Variants in ORC2 observed in about 807,000 individuals in gnomAD.
ORC2 encodes origin recognition complex subunit 2.
In ORC2, 37 loss-of-function variants were observed where a neutral mutation model predicts 77.7. That is an observed-to-expected ratio of 0.48 (90% CI 0.37 to 0.63). ORC2 has a LOEUF of 0.63. Among genes scored for constraint, ORC2 ranks in the 20% least tolerant of loss-of-function variants. The pLI is 0.00. For synonymous variants in ORC2, 201 were observed against 229.5 expected (o/e 0.88, Z 1.12); for missense variants, 557 against 661.9 (o/e 0.84, Z 1.74).
chr2:200,913,020 G>A (rs567248004), intron 17 of ORC2, among the ~76,000 whole-genome samples: 101 of 152,114 alleles, frequency 6.6e-4, no homozygotes, highest in African/African-American at 2.4e-3. Flanking sequence ...TGAGCAAGAG[G>A]GAAAAAACAA....
At chr2:200,958,936 T>C (rs2041521245) in intron 2 of ORC2, among the ~76,000 whole-genome samples, 1 of 152,224 alleles carries the variant, frequency 6.6e-6, no homozygotes. Flanking sequence ...GTGTTCTTGG[T>C]GATTTCTTTT....
intron 5 of ORC2, among the ~76,000 whole-genome samples, chr2:200,945,061 A>C (rs769342172): frequency 1.3e-5 from 2 of 152,164 alleles, no homozygotes; most frequent in Non-Finnish European, 2.9e-5. Context: ...GTCACAACAG[A>C]GACTGTCTAG....
At chr2:200,962,436 G>A (rs997634327) in intron 1 of ORC2, among the ~76,000 whole-genome samples, 5 of 152,132 alleles carry the variant, frequency 3.3e-5, no homozygotes, top group Non-Finnish European at 7.4e-5. Context: ...ATAGATTAGT[G>A]GTTAAACACC....
chr2:200,920,372 C>T lies in ORC2; in HGVS notation c.1316G>A (p.Ser439Asn), dbSNP rs1559006338. ...APLMWDHAKQSLFNWLWYETT... is the reference protein window; with the variant it reads ...APLMWDHAKQNLFNWLWYETT... The stretch of plus-strand genomic sequence containing the variant: ...TTCATACCAGAGCCAGTTAAAAAGA[C>T]TCTGCTTTGCATGATCCCACACTAG... The change falls in exon 15 of 18, where the codon AGT (serine) becomes AAT (asparagine). Residue 439 changes from serine (S) to asparagine (N), a missense_variant. Physicochemically the swap from Ser to Asn is conservative, Grantham distance 46. Coordinates refer to ENST00000234296, the MANE Select transcript of ORC2 (RefSeq NM_006190.5). 9 of 1,604,304 alleles carry T rather than the reference C, an allele frequency of 5.6e-6. No individual in the cohort carries two copies. Among genetic ancestry groups the T allele is most frequent in the Non-Finnish European group, 7.7e-6 (9 of 1,174,218 alleles).
chr2:200,942,207 AAACAG>A (rs1474193199), intron 6 of ORC2, among the ~76,000 whole-genome samples: 2 of 152,170 alleles, frequency 1.3e-5, no homozygotes, highest in African/African-American at 4.8e-5. Context: ...AAAATGAAAA[AAACAG>A]AAATGTCGGC....
intron 12 of ORC2, 65 bp downstream of exon 12, chr2:200,926,703 T>G: frequency 2.0e-6 from 3 of 1,533,704 alleles, no homozygotes; most frequent in Middle Eastern, 1.7e-4. Context: ...TCCATCCTCA[T>G]TTATGTGGGG....
chr2:200,949,617 C>T lies in ORC2; in HGVS notation c.265G>A (p.Gly89Ser). ...QESLKNGSAT[G>S]GGNKVYSFQN... is the part of the protein sequence containing the mutation. ...AAAGAATAAACTTTATTTCCACCAC[C>T]TGTAGCAGAGCCATTTTTCAATGAT... The change falls in exon 5 of 18, where the codon GGT becomes AGT. Residue 89 changes from glycine (G) to serine (S), a missense_variant. Gly to Ser is a moderately conservative substitution (Grantham distance 56). Coordinates refer to ENST00000234296, the MANE Select transcript of ORC2 (RefSeq NM_006190.5). 6.3e-7 allele frequency: 1 copy of T among 1,599,274 alleles called. No individual in the cohort carries two copies. The highest frequency in any genetic ancestry group is 8.6e-7 in the Non-Finnish European group (1 of 1,169,186).
chr2:200,942,284 CT>C (rs998732043), intron 6 of ORC2, among the ~76,000 whole-genome samples: 1 of 152,182 alleles, frequency 6.6e-6, no homozygotes. Flanking sequence ...GAAATGTACA[CT>C]TTTTAATCTA....
At chr2:200,929,078 A>G (rs2040893574) in intron 11 of ORC2, among the ~76,000 whole-genome samples, 1 of 151,916 alleles carries the variant, frequency 6.6e-6, no homozygotes, top group African/African-American at 2.4e-5. Flanking sequence ...CACCCTCCCA[A>G]GTAGCTGGGA....
chr2:200,940,106 GAAT>G lies in ORC2; in HGVS notation c.453+1139_453+1141del, dbSNP rs1477490161. On this transcript the variant is annotated intron_variant, in intron 7 of 17. Transcript: ENST00000234296. ...AACTTCTGATTAGCCCCAGTCTCATGAATGCCTCCTGATTCCTACTTTATGTAC... is the reference window on the plus strand; with the variant it reads ...AACTTCTGATTAGCCCCAGTCTCATGGCCTCCTGATTCCTACTTTATGTAC... 4.9e-4 allele frequency among the ~76,000 whole-genome samples: 75 copies of G among 152,158 alleles called. 1 individual carries two copies. The highest frequency in any genetic ancestry group is 7.3e-5 in the Non-Finnish European group (5 of 68,028).
At chr2:200,918,575 G>A (rs965174232) in intron 15 of ORC2, among the ~76,000 whole-genome samples, 13 of 142,672 alleles carry the variant, frequency 9.1e-5, no homozygotes, top group African/African-American at 3.1e-4. Flanking sequence ...TGCAACCTCC[G>A]CCTCCTGGGT....
chr2:200,928,078 G>A (rs2040873921), intron 11 of ORC2, among the ~76,000 whole-genome samples: 2 of 151,960 alleles, frequency 1.3e-5, no homozygotes, highest in Admixed American at 6.6e-5. Flanking sequence ...ATTATTGGCC[G>A]GGCATGATGG....
intron 17 of ORC2, 64 bp downstream of exon 17, chr2:200,913,231 T>C (rs2124924265): frequency 2.4e-6 from 3 of 1,224,538 alleles, no homozygotes; most frequent in Non-Finnish European, 3.4e-6. Context: ...CAAACATATA[T>C]GTGTCCTTAA....
At chr2:200,958,000 A>C in intron 3 of ORC2, 30 bp downstream of exon 3, 1 of 1,256,736 alleles carries the variant, frequency 8.0e-7, no homozygotes. Context: ...TATAATAAGC[A>C]TCTCTTCAAA....
intron 5 of ORC2, among the ~76,000 whole-genome samples, chr2:200,945,903 C>A (rs1457236416): frequency 6.6e-6 from 1 of 152,042 alleles, no homozygotes; most frequent in East Asian, 1.9e-4. Flanking sequence ...TCATTTCATA[C>A]CCTTTGGGTA....
chr2:200,927,454 G>C (rs1432780219), intron 11 of ORC2, among the ~76,000 whole-genome samples: 1 of 151,286 alleles, frequency 6.6e-6, no homozygotes, highest in African/African-American at 2.4e-5. Flanking sequence ...CAGCACTTTG[G>C]GAGGCCGAGG....
chr2:200,937,774 T>TA lies in ORC2; in HGVS notation c.514+131dup, dbSNP rs2124992611. On this transcript the variant is annotated intron_variant, in intron 8 of 17. Coordinates refer to ENST00000234296, the MANE Select transcript of ORC2 (RefSeq NM_006190.5). ...GACTACAATGTGAAAGACATGGTGC[T>TA]AAGTGTTGCAACTAAAAGCCAAAGA... 6.2e-6 allele frequency: 4 copies of TA among 648,538 alleles called. 1 individual carries two copies. The highest frequency in any genetic ancestry group is 1.1e-5 in the Non-Finnish European group (4 of 363,088). 40.2% of individuals were successfully genotyped at this position (648,538 alleles called of 1,614,324 possible).
intron 5 of ORC2, among the ~76,000 whole-genome samples, chr2:200,945,787 A>G (rs550936191): frequency 2.6e-5 from 4 of 152,238 alleles, no homozygotes; most frequent in African/African-American, 7.2e-5. Context: ...CCTCATTTAT[A>G]TTTATCTGCT....
chr2:200,949,558 T>C lies in ORC2; in HGVS notation c.324A>G (p.Lys108=). Residue 108 remains lysine, a synonymous_variant, in exon 5 of 18, where the codon AAA becomes AAG. Transcript: ENST00000234296. ...QNRKHSEKMA[K]LASELAKTPQ... ...GAAATCAGAAAAGCAACATACCTAA[T>C]TTAGCCATCTTTTCAGAGTGTTTTC... 1 of 1,538,300 alleles carries C rather than the reference T, an allele frequency of 6.5e-7. No individual in the cohort carries two copies. Among genetic ancestry groups the C allele is most frequent in the Non-Finnish European group, 9.0e-7 (1 of 1,114,164 alleles).
Sources: gnomAD v4.1 joint callset for allele counts (sites outside exome capture counted in the v4.1 genomes callset) on GRCh38, gnomAD v4.1.1 for gene constraint, MANE v1.5 for transcripts, NCBI Gene and HGNC (gene_info 2026-07-23, HGNC 2026-07-21) for gene names.